CYP26A1: variants seen among roughly 807,000 people sequenced by gnomAD.
CYP26A1 encodes the protein cytochrome P450 family 26 subfamily A member 1.
CYP26A1 carries 46 observed loss-of-function variants against 47.4 expected under a neutral mutation model. That is an observed-to-expected ratio of 0.97 (90% CI 0.77 to 1.24). CYP26A1 has a LOEUF of 1.24. Ranked by LOEUF, CYP26A1 falls within the 50% of genes most tolerant of loss-of-function variation. CYP26A1 has a pLI of 0.00. For synonymous variants in CYP26A1, 277 were observed against 263.7 expected (o/e 1.05, Z -0.49); for missense variants, 680 against 644.4 (o/e 1.06, Z -0.60).
At chr10:93,075,733 T>C in intron 4 of CYP26A1, 93 bp from the exon 5 acceptor site, 1 of 947,638 alleles carries the variant, frequency 1.1e-6, no homozygotes, top group Non-Finnish European at 1.7e-6. Flanking sequence ...GCCCTTCTAG[T>C]CTTCCCTCCA....
rs959607444 is a variant in CYP26A1, at chr10:93,077,425, A to G, written c.*121A>G. ...ATTATAATATTTATGTGTTTTGACTATACTACCACAATCTTTAAATATTAA... is the reference window on the plus strand; with the variant it reads ...ATTATAATATTTATGTGTTTTGACTGTACTACCACAATCTTTAAATATTAA... On this transcript the variant is annotated 3_prime_UTR_variant, in exon 7 of 7. Coordinates refer to ENST00000224356, the MANE Select transcript of CYP26A1 (RefSeq NM_000783.4). 1.9e-5 allele frequency: 8 copies of G among 426,012 alleles called. No individual in the cohort carries two copies. Among genetic ancestry groups the G allele is most frequent in the Admixed American group, 4.0e-5 (1 of 24,780 alleles). 26.4% of individuals were successfully genotyped at this position (426,012 alleles called of 1,614,324 possible).
chr10:93,077,337 G>C lies in CYP26A1; in HGVS notation c.*33G>C, dbSNP rs775125152. 9 of 1,298,900 alleles carry C rather than the reference G, an allele frequency of 6.9e-6. No homozygotes were observed. In the East Asian group the frequency reaches 2.1e-4, roughly 30 times the overall value. 80.5% of individuals were successfully genotyped at this position (1,298,900 alleles called of 1,614,324 possible). A position where few individuals can be genotyped will look rare whatever the true frequency, so the allele number is the denominator to read the frequency against. ...GAATGTTCAAACCTGAGACTTATTG[G>C]AAGTGTACATATGAGTTTTTAAGGA... On this transcript the variant is annotated 3_prime_UTR_variant, in exon 7 of 7. Coordinates refer to ENST00000224356, the MANE Select transcript of CYP26A1 (RefSeq NM_000783.4).
Position 93,074,205 on chromosome 10 carries a change from C to T in CYP26A1, c.189+82C>T. The T allele has an allele frequency of 6.6e-7, 1 of 1,519,510 alleles. No homozygotes were observed. The allele number at this position is 1,519,510 out of a possible 1,614,324, so 94.1% of individuals were successfully genotyped here. A position where few individuals can be genotyped will look rare whatever the true frequency, so the allele number is the denominator to read the frequency against. On this transcript the variant is annotated intron_variant, in intron 1 of 6. Coordinates refer to ENST00000224356, the MANE Select transcript of CYP26A1 (RefSeq NM_000783.4). This position sits in a 1 kb window ranked among gnomAD's most constrained non-coding sequence, Gnocchi z 5.3. ...CTTCTGCTGAAGTCGGGGTAGGCGC[C>T]CCCGGGAGGCATGCTATTGCGGCTA...
Position 93,074,038 on chromosome 10 carries a change from G to C in CYP26A1, c.104G>C (p.Gly35Ala). The C allele has an allele frequency of 6.2e-7, 1 of 1,605,692 alleles. No homozygotes were observed. Among genetic ancestry groups the C allele is most frequent in the East Asian group, 2.2e-5 (1 of 44,452 alleles). ...CTCTGGGACCTGTACTGCGTGAGCG[G>C]CCGCGACCGCAGTTGTGCCCTCCCA... is the stretch of plus-strand genomic sequence containing the variant. ...IKLWDLYCVS[G>A]RDRSCALPLP... Residue 35 changes from glycine (G) to alanine (A), a missense_variant, in exon 1 of 7, where the codon GGC becomes GCC. By Grantham distance (60) the Gly-to-Ala change is moderately conservative. Coordinates refer to ENST00000224356, the MANE Select transcript of CYP26A1 (RefSeq NM_000783.4). The surrounding 1 kb of genome is among the most constrained non-coding windows in gnomAD (Gnocchi z 5.3).
In CYP26A1 at chr10:93,076,539, G is replaced by T; in HGVS notation, c.1000-5G>T. Reference sequence around the variant, plus strand: ...CTGTTCACCTCTGTATGACTGTTTTGATAGGGTTTACTTTGCAAGAGCAAT... The same window carrying T: ...CTGTTCACCTCTGTATGACTGTTTTTATAGGGTTTACTTTGCAAGAGCAAT... On this transcript the variant is annotated splice_region_variant and splice_polypyrimidine_tract_variant and intron_variant, in intron 5 of 6. Coordinates refer to ENST00000224356, the MANE Select transcript of CYP26A1 (RefSeq NM_000783.4). The T allele has an allele frequency of 6.3e-7, 1 of 1,599,478 alleles. No individual in the cohort carries two copies. The highest frequency in any genetic ancestry group is 8.5e-7 in the Non-Finnish European group (1 of 1,170,196).
At position 93,074,945 on chromosome 10, in the gene CYP26A1, T is replaced by G; in HGVS notation, c.581T>G (p.Leu194Arg). The G allele has an allele frequency of 6.2e-7, 1 of 1,613,286 alleles. No homozygotes were observed. The highest frequency in any genetic ancestry group is 8.5e-7 in the Non-Finnish European group (1 of 1,180,026). The change falls in exon 3 of 7, where the codon CTG becomes CGG. Residue 194 changes from leucine (L) to arginine (R), a missense_variant. Transcript: ENST00000224356. The surrounding 1 kb of genome is among the most constrained non-coding windows in gnomAD (Gnocchi z 5.3). ...LMFRIAMRIL[L>R]GCEPQLAGDG... ...TTCCGAATCGCCATGCGCATCCTAC[T>G]GGGCTGCGAACCCCAACTGGCGGGC... is the stretch of plus-strand genomic sequence containing the variant.
rs367988704 is a variant in CYP26A1 at position 93,076,705 on chromosome 10, A to C, written c.1152+9A>C. 1.8e-5 allele frequency: 29 copies of C among 1,586,126 alleles called. No individual in the cohort carries two copies. Among genetic ancestry groups the C allele is most frequent in the Non-Finnish European group, 2.5e-5 (29 of 1,164,824 alleles). On this transcript the variant is annotated intron_variant, in intron 6 of 6. Coordinates refer to ENST00000224356, the MANE Select transcript of CYP26A1 (RefSeq NM_000783.4). ...AGACTTTTGAATTAAATGTAAGTTA[A>C]AATTCTCTTCTTTCTCCCTTTTGTT...
chr10:93,073,845 C>T (rs1043011510), upstream of CYP26A1: 11 of 613,712 alleles, frequency 1.8e-5, no homozygotes, highest in East Asian at 2.8e-4. Context: ...GTAACGTGGG[C>T]AGCAACCTGG....
Position 93,074,113 on chromosome 10 carries a change from T to C in CYP26A1, c.179T>C (p.Met60Thr), listed in dbSNP as rs780527715. 3.1e-6 allele frequency: 3 copies of C among 960,210 alleles called. No homozygotes were observed. The highest frequency in any genetic ancestry group is 3.0e-6 in the Non-Finnish European group (2 of 677,432). 59.5% of individuals were successfully genotyped at this position (960,210 alleles called of 1,614,324 possible). A position where few individuals can be genotyped will look rare whatever the true frequency, so the allele number is the denominator to read the frequency against. Reference protein sequence around the residue: ...GFPFFGETLQMVLQRRKFLQM... With the variant: ...GFPFFGETLQTVLQRRKFLQM... ...CCCTTCTTTGGGGAAACCTTGCAGA[T>C]GGTACTGCAGGTAAGGGAGGGTGGG... Residue 60 changes from methionine to threonine, a missense_variant, in exon 1 of 7, where the codon ATG becomes ACG. Transcript: ENST00000224356. The surrounding 1 kb of genome is among the most constrained non-coding windows in gnomAD (Gnocchi z 5.3).
rs1449026416 is a variant in CYP26A1, at chr10:93,077,223, T to G, written c.1413T>G (p.Pro471=). 2.2e-5 allele frequency: 35 copies of G among 1,606,900 alleles called. No homozygotes were observed. The highest frequency in any genetic ancestry group is 2.8e-5 in the Non-Finnish European group (33 of 1,174,782). Residue 471 remains proline, a synonymous_variant, in exon 7 of 7, where the codon CCT becomes CCG. Coordinates refer to ENST00000224356, the MANE Select transcript of CYP26A1 (RefSeq NM_000783.4). ...GTGACTGGCAGCTTCTAAATGGACC[T>G]CCTACAATGAAAACCAGTCCCACCG... ...RHCDWQLLNG[P]PTMKTSPTVY... is the part of the protein sequence containing the mutation.
At position 93,074,889 on chromosome 10, in the gene CYP26A1, C is replaced by G. The variant is rs1166492073; in HGVS notation, c.525C>G (p.Leu175=). Residue 175 remains leucine, a synonymous_variant, in exon 3 of 7, where the codon CTC becomes CTG. Transcript: ENST00000224356. This position sits in a 1 kb window ranked among gnomAD's most constrained non-coding sequence, Gnocchi z 5.3. ...EQWLSCGERG[L]LVYPEVKRLM... is the part of the protein sequence containing the mutation. Reference sequence around the variant, plus strand: ...GGCTGAGCTGCGGCGAGCGCGGCCTCCTGGTCTACCCCGAGGTGAAGCGCC... The same window carrying G: ...GGCTGAGCTGCGGCGAGCGCGGCCTGCTGGTCTACCCCGAGGTGAAGCGCC... The G allele has an allele frequency of 6.2e-7, 1 of 1,613,032 alleles. No individual in the cohort carries two copies. Among genetic ancestry groups the G allele is most frequent in the African/African-American group, 1.3e-5 (1 of 74,952 alleles).
At chr10:93,076,463 C>T (rs1408821350) in intron 5 of CYP26A1, 81 bp from the exon 6 acceptor site, 2 of 969,350 alleles carry the variant, frequency 2.1e-6, no homozygotes, top group Non-Finnish European at 3.1e-6. Flanking sequence ...TTAGTCTCCA[C>T]TTAAGCCCTG....
At chr10:93,073,700 GC>G, upstream of CYP26A1, 1 of 532,464 alleles carries the variant, frequency 1.9e-6, no homozygotes, top group Non-Finnish European at 3.3e-6. Flanking sequence ...TCGGAGGGAA[GC>G]CGCCACCGCG....
In CYP26A1 at chr10:93,074,253, G is replaced by A. The variant is rs540974963; in HGVS notation, c.190-55G>A. ...CTAGGAGCAGGGCTGGCGGGAGCGC[G>A]GCGCTCCCCGGCGCCCCCTCATGCC... On this transcript the variant is annotated intron_variant, in intron 1 of 6. Transcript: ENST00000224356. This position sits in a 1 kb window ranked among gnomAD's most constrained non-coding sequence, Gnocchi z 5.3. 49 of 1,495,358 alleles carry A rather than the reference G, an allele frequency of 3.3e-5. No homozygotes were observed. The African/African-American group carries it at 4.7e-4, about 14-fold the overall frequency. The allele number at this position is 1,495,358 out of a possible 1,614,324, so 92.6% of individuals were successfully genotyped here.
intron 3 of CYP26A1, 23 bp from the exon 4 acceptor site, chr10:93,075,126 C>A (rs780402885): frequency 1.2e-6 from 2 of 1,611,170 alleles, no homozygotes; most frequent in African/African-American, 2.7e-5. Context: ...GTCTGCTCAC[C>A]GCCGCGCGCT....
At chr10:93,076,936 C>T (rs1314006146) in intron 6 of CYP26A1, 27 bp from the exon 7 acceptor site, 8 of 1,428,238 alleles carry the variant, frequency 5.6e-6, no homozygotes, top group Non-Finnish European at 6.7e-6. Context: ...AGTTTGTCAG[C>T]CCTTGGGGTT....
At chr10:93,073,698 A>G, upstream of CYP26A1, 1 of 527,446 alleles carries the variant, frequency 1.9e-6, no homozygotes, top group Non-Finnish European at 3.3e-6. Context: ...GCTCGGAGGG[A>G]AGCCGCCACC....
Position 93,074,255 on chromosome 10 carries a change from C to A in CYP26A1, c.190-53C>A, listed in dbSNP as rs934602790. On this transcript the variant is annotated intron_variant, in intron 1 of 6. Coordinates refer to ENST00000224356, the MANE Select transcript of CYP26A1 (RefSeq NM_000783.4). The surrounding 1 kb of genome is among the most constrained non-coding windows in gnomAD (Gnocchi z 5.3). ...AGGAGCAGGGCTGGCGGGAGCGCGG[C>A]GCTCCCCGGCGCCCCCTCATGCCCA... 12 of 1,503,906 alleles carry A rather than the reference C, an allele frequency of 8.0e-6. No individual in the cohort carries two copies. In the African/African-American group the frequency reaches 8.3e-5, roughly 10 times the overall value. The allele number at this position is 1,503,906 out of a possible 1,614,324, so 93.2% of individuals were successfully genotyped here.
chr10:93,075,568 A>C (rs73319398), intron 4 of CYP26A1: 17,226 of 591,702 alleles, frequency 0.029, 771 homozygotes, highest in African/African-American at 0.15. Context: ...AATGTTAATA[A>C]AGAACCTTGC....
Sources: allele counts gnomAD v4.1 joint callset, GRCh38; gene constraint gnomAD v4.1.1; non-coding constraint Gnocchi (gnomAD v3.1); transcripts MANE v1.5; gene names NCBI Gene and HGNC (gene_info 2026-07-23, HGNC 2026-07-21).